ANKRD30B: variants seen among roughly 807,000 people sequenced by gnomAD.
ANKRD30B encodes ankyrin repeat domain 30B.
ANKRD30B carries 144 observed loss-of-function variants against 202.2 expected under a neutral mutation model. The observed-to-expected ratio is 0.71, with a 90% confidence interval of 0.62 to 0.82. The LOEUF (loss-of-function observed/expected upper bound fraction) is 0.82. Among genes scored for constraint, ANKRD30B ranks in the 40% least tolerant of loss-of-function variants. The probability of loss-of-function intolerance (pLI) is 0.00; values close to 1 mark genes in which losing one functional copy is unlikely to be tolerated. For synonymous variants in ANKRD30B, 508 were observed against 561.3 expected (o/e 0.91, Z 1.34); for missense variants, 1,487 against 1,669.1 (o/e 0.89, Z 1.90).
At chr18:14,786,988 T>G in intron 14 of ANKRD30B, 51 bp from the exon 15 acceptor site, 1 of 1,550,108 alleles carries the variant, frequency 6.5e-7, no homozygotes, top group South Asian at 1.2e-5. Context: ...TTTTTAAAAT[T>G]TATAGTAGAG....
rs572561777 is a variant in ANKRD30B at position 14,791,210 on chromosome 18, T to G, written c.1735-191T>G. On this transcript the variant is annotated intron_variant, in intron 15 of 43. Coordinates refer to ENST00000690538, the MANE Select transcript of ANKRD30B (RefSeq NM_001367607.2). ...GTTTATAGTATTCTCTGATGGCAGT[T>G]TGTATTTCTGTGGGATTGATGGTGA... 3.2e-3 allele frequency among the ~76,000 whole-genome samples: 485 copies of G among 152,318 alleles called. 3 individuals carry two copies. Among genetic ancestry groups the G allele is most frequent in the Non-Finnish European group, 5.7e-3 (388 of 68,030 alleles).
In ANKRD30B at chr18:14,781,288, C is replaced by CTTTTTT. The variant is rs892666549; in HGVS notation, c.1483-1220_1483-1215dup. Among the ~76,000 whole-genome samples, 45 of 85,672 alleles carry CTTTTTT rather than the reference C, an allele frequency of 5.3e-4. 1 individual carries two copies. Among genetic ancestry groups the CTTTTTT allele is most frequent in the Non-Finnish European group, 6.9e-4 (33 of 47,818 alleles). The allele number at this position is 85,672 out of a possible 152,430, so 56.2% of individuals were successfully genotyped here. ...CCGCTTCTACAATGTTCTGAGTATT[C>CTTTTTT]TTTTTTTTTTTTTTTTTTTTTTTTG... On this transcript the variant is annotated intron_variant, in intron 11 of 43. Coordinates refer to ENST00000690538, the MANE Select transcript of ANKRD30B (RefSeq NM_001367607.2).
At chr18:14,808,994 T>A (rs540325997) in intron 26 of ANKRD30B, among the ~76,000 whole-genome samples, 7 of 150,980 alleles carry the variant, frequency 4.6e-5, no homozygotes, top group African/African-American at 1.7e-4. Context: ...TGGGGCCTTG[T>A]CTTTGTTCCC....
At chr18:14,774,775 C>T (rs1410702205) in intron 9 of ANKRD30B, among the ~76,000 whole-genome samples, 5 of 150,994 alleles carry the variant, frequency 3.3e-5, no homozygotes, top group Non-Finnish European at 7.4e-5. Context: ...ATTATTTCTA[C>T]AATACTATAA....
the ANKRD30B span, among the ~76,000 whole-genome samples, chr18:14,864,898 C>T: frequency 6.6e-6 from 1 of 151,970 alleles, no homozygotes; most frequent in Non-Finnish European, 1.5e-5. Flanking sequence ...GCTCACCACG[C>T]TCTTTTAACC....
intron 1 of ANKRD30B, 34 bp downstream of exon 1, chr18:14,748,674 G>T (rs761844151): frequency 2.1e-5 from 31 of 1,500,204 alleles, no homozygotes; most frequent in Non-Finnish European, 2.7e-5. Context: ...GGCTGCAGGA[G>T]GAGGAGGCGG....
the ANKRD30B span, among the ~76,000 whole-genome samples, chr18:14,865,123 C>T: frequency 3.9e-5 from 6 of 152,184 alleles, no homozygotes; most frequent in Middle Eastern, 3.4e-3. Flanking sequence ...TTCTCCCCCT[C>T]CATCTACCCA....
intron 30 of ANKRD30B, among the ~76,000 whole-genome samples, chr18:14,821,828 A>G (rs1016510932): frequency 6.6e-6 from 1 of 152,186 alleles, no homozygotes; most frequent in African/African-American, 2.4e-5. Context: ...AAGAAGACTA[A>G]ACTACAGAAC....
the ANKRD30B span, among the ~76,000 whole-genome samples, chr18:14,934,911 CA>C: frequency 2.2e-5 from 1 of 46,396 alleles, no homozygotes; most frequent in Non-Finnish European, 4.5e-5. Context: ...CCCTCTACCA[CA>C]CACACACACA....
intron 41 of ANKRD30B, among the ~76,000 whole-genome samples, chr18:14,850,836 C>T (rs1971852472): frequency 6.6e-6 from 1 of 151,736 alleles, no homozygotes; most frequent in South Asian, 2.1e-4. Flanking sequence ...TACGTATTTA[C>T]CCAGTAGAAT....
In ANKRD30B at chr18:14,824,787, C is replaced by G. The variant is rs892874546; in HGVS notation, c.2743+2110C>G. Among the ~76,000 whole-genome samples, 11 of 152,282 alleles carry G rather than the reference C, an allele frequency of 7.2e-5. No individual in the cohort carries two copies. The South Asian group carries it at 2.1e-3, about 29-fold the overall frequency. On this transcript the variant is annotated intron_variant, in intron 32 of 43. Transcript: ENST00000690538. Reference sequence around the variant, plus strand: ...CAAACTTTTCTTGTAAAGTGCCAAACAGGAAATATATTAGGTGATGTGGTC... The same window carrying G: ...CAAACTTTTCTTGTAAAGTGCCAAAGAGGAAATATATTAGGTGATGTGGTC...
At chr18:14,841,623 T>C (rs1259902009) in intron 37 of ANKRD30B, among the ~76,000 whole-genome samples, 1 of 152,070 alleles carries the variant, frequency 6.6e-6, no homozygotes, top group Non-Finnish European at 1.5e-5. Context: ...TAAAAGATAT[T>C]GAATGGGAAG....
At chr18:14,775,529 T>A (rs2143821497) in intron 9 of ANKRD30B, among the ~76,000 whole-genome samples, 1 of 152,326 alleles carries the variant, frequency 6.6e-6, no homozygotes, top group Middle Eastern at 3.4e-3. Flanking sequence ...CCAGTATAGA[T>A]CTGAAGGAAC....
chr18:14,842,674 G>A (rs533476301), intron 37 of ANKRD30B, among the ~76,000 whole-genome samples: 1 of 152,280 alleles, frequency 6.6e-6, no homozygotes, highest in African/African-American at 2.4e-5. Context: ...TCTCACTTTT[G>A]AAGTCTTAAG....
At chr18:14,847,723 C>G (rs866661921) in intron 39 of ANKRD30B, among the ~76,000 whole-genome samples, 1 of 151,586 alleles carries the variant, frequency 6.6e-6, no homozygotes, top group Middle Eastern at 3.4e-3. Context: ...GCTGACTCCC[C>G]ACACCTGAGG....
At chr18:14,934,374 TACTC>T in the ANKRD30B span, among the ~76,000 whole-genome samples, 9 of 152,180 alleles carry the variant, frequency 5.9e-5, no homozygotes, top group African/African-American at 2.2e-4. Context: ...GACATGGACA[TACTC>T]ACAGCAGTGA....
At chr18:14,770,287 A>G (rs1409397128) in intron 8 of ANKRD30B, among the ~76,000 whole-genome samples, 2 of 152,184 alleles carry the variant, frequency 1.3e-5, no homozygotes, top group Admixed American at 6.5e-5. Flanking sequence ...CTTGGAGGCT[A>G]ATCAAAATAC....
intron 22 of ANKRD30B, among the ~76,000 whole-genome samples, chr18:14,800,333 C>T (rs1307294358): frequency 2.3e-4 from 35 of 149,874 alleles, no homozygotes; most frequent in African/African-American, 7.4e-4. Flanking sequence ...TTTGATATGG[C>T]GTCTCGCTGT....
At position 14,763,683 on chromosome 18, in the gene ANKRD30B, C is replaced by T; in HGVS notation, c.821-3C>T. The T allele has an allele frequency of 6.2e-7, 1 of 1,613,368 alleles. No individual in the cohort carries two copies. The highest frequency in any genetic ancestry group is 8.5e-7 in the Non-Finnish European group (1 of 1,179,816). On this transcript the variant is annotated splice_region_variant and splice_polypyrimidine_tract_variant and intron_variant, in intron 6 of 43. Transcript: ENST00000690538. ...AAATTTAACCAGATTGTGTGTTTGG[C>T]AGAAGGAACATCTACAGGAACACCT...
Sources: allele counts gnomAD v4.1 joint callset (sites outside exome capture counted in the v4.1 genomes callset), GRCh38; gene constraint gnomAD v4.1.1; transcripts MANE v1.5; gene names NCBI Gene and HGNC (gene_info 2026-07-23, HGNC 2026-07-21).